Variants in CIBAR2 observed in about 807,000 individuals in gnomAD.
CIBAR2 encodes the protein CBY1-interacting BAR domain-containing protein 2.
Under a neutral mutation model 36.2 loss-of-function variants are expected in CIBAR2, and 38 were observed. The ratio of observed to expected loss-of-function variants is 1.05; its 90% CI spans 0.81 to 1.38. The LOEUF is 1.38. Among genes scored for constraint, CIBAR2 ranks in the 40% most tolerant of loss-of-function variants. The probability of loss-of-function intolerance (pLI) is 0.00; values close to 1 mark genes in which losing one functional copy is unlikely to be tolerated. For synonymous variants in CIBAR2, 182 were observed against 149.5 expected (o/e 1.22, Z -1.58); for missense variants, 481 against 383.4 (o/e 1.25, Z -2.13).
chr16:85,098,612 C>A lies in CIBAR2; in HGVS notation c.*573G>T, dbSNP rs904257737. ...AGTGCCCTGAGGTCCTCCACGGGGGCCTCCTCCATGGAGTTGTCCTCACTC... is the reference window on the plus strand; with the variant it reads ...AGTGCCCTGAGGTCCTCCACGGGGGACTCCTCCATGGAGTTGTCCTCACTC... On this transcript the variant is annotated 3_prime_UTR_variant, in exon 9 of 9. Coordinates refer to ENST00000539556, the MANE Select transcript of CIBAR2 (RefSeq NM_198491.3). The A allele has an allele frequency of 3.0e-6, 3 of 985,464 alleles. No individual in the cohort carries two copies. Among genetic ancestry groups the A allele is most frequent in the African/African-American group, 3.5e-5 (2 of 57,210 alleles). 61.0% of individuals were successfully genotyped at this position (985,464 alleles called of 1,614,324 possible). A position where few individuals can be genotyped will look rare whatever the true frequency, so the allele number is the denominator to read the frequency against.
At chr16:85,099,638 T>C (rs961447725) in intron 8 of CIBAR2, among the ~76,000 whole-genome samples, 1 of 150,808 alleles carries the variant, frequency 6.6e-6, no homozygotes, top group African/African-American at 2.4e-5. Context: ...TTTTTTTTTT[T>C]CCTGAGACAG....
intron 8 of CIBAR2, among the ~76,000 whole-genome samples, chr16:85,099,797 C>CTTTTTTTTT (rs71386075): frequency 6.5e-5 from 5 of 77,502 alleles, no homozygotes; most frequent in Non-Finnish European, 1.2e-4. Flanking sequence ...CTAATTTTTG[C>CTTTTTTTTT]TTTTTTTTTT....
chr16:85,108,218 G>A lies in CIBAR2; in HGVS notation c.256-119C>T, dbSNP rs147260237. ...TGTCCAGAGCTGTGCGGCGGGAGGTGGAGCGCGAGGTGCCCTCCCTTTTCC... is the reference window on the plus strand; with the variant it reads ...TGTCCAGAGCTGTGCGGCGGGAGGTAGAGCGCGAGGTGCCCTCCCTTTTCC... On this transcript the variant is annotated intron_variant, in intron 2 of 8. Coordinates refer to ENST00000539556, the MANE Select transcript of CIBAR2 (RefSeq NM_198491.3). The A allele has an allele frequency of 2.7e-4, 241 of 878,170 alleles. 1 individual carries two copies. In the African/African-American group the frequency reaches 3.6e-3, roughly 13 times the overall value. The allele number at this position is 878,170 out of a possible 1,614,324, so 54.4% of individuals were successfully genotyped here.
intron 7 of CIBAR2, among the ~76,000 whole-genome samples, chr16:85,101,338 C>T (rs2073953859): frequency 6.6e-6 from 1 of 152,164 alleles, no homozygotes; most frequent in South Asian, 2.1e-4. Flanking sequence ...CTGTCCTGTG[C>T]TCAGATGACA....
chr16:85,101,488 G>A (rs888538260), intron 7 of CIBAR2, among the ~76,000 whole-genome samples: 10 of 152,090 alleles, frequency 6.6e-5, no homozygotes, highest in African/African-American at 2.4e-4. Flanking sequence ...AAAGAATCAT[G>A]ATAACTGATT....
intron 2 of CIBAR2, among the ~76,000 whole-genome samples, chr16:85,109,392 G>A (rs1292559564): frequency 6.6e-6 from 1 of 152,182 alleles, no homozygotes; most frequent in East Asian, 1.9e-4. Context: ...GAGAACATGG[G>A]CATCGTGGGT....
At position 85,102,454 on chromosome 16, in the gene CIBAR2, A is replaced by T. The variant is rs942385346; in HGVS notation, c.538-127T>A. ...GTGTGGGGACAGGCCCCAGGTGGGGAGTTTCGACATGTTATTTTAAACTTA... is the reference window on the plus strand; with the variant it reads ...GTGTGGGGACAGGCCCCAGGTGGGGTGTTTCGACATGTTATTTTAAACTTA... On this transcript the variant is annotated intron_variant, in intron 6 of 8. Coordinates refer to ENST00000539556, the MANE Select transcript of CIBAR2 (RefSeq NM_198491.3). 335 of 647,196 alleles carry T rather than the reference A, an allele frequency of 5.2e-4. 2 individuals are homozygous for T. The highest frequency in any genetic ancestry group is 5.3e-5 in the Non-Finnish European group (19 of 360,328). The allele number at this position is 647,196 out of a possible 1,614,324, so 40.1% of individuals were successfully genotyped here.
At chr16:85,102,836 C>A (rs1219850305) in intron 6 of CIBAR2, among the ~76,000 whole-genome samples, 2 of 151,972 alleles carry the variant, frequency 1.3e-5, no homozygotes, top group African/African-American at 4.8e-5. Flanking sequence ...TCTCTTCTCC[C>A]TTTTTCACTC....
intron 2 of CIBAR2, 78 bp downstream of exon 2, chr16:85,110,148 C>A (rs2074028837): frequency 1.7e-6 from 2 of 1,143,594 alleles, no homozygotes; most frequent in Admixed American, 2.4e-5. Flanking sequence ...AGCAGGGCTC[C>A]TGCAGCCCTC....
chr16:85,108,171 G>A, intron 2 of CIBAR2, 72 bp from the exon 3 acceptor site: 1 of 1,438,114 alleles, frequency 7.0e-7, no homozygotes, highest in South Asian at 1.3e-5. Flanking sequence ...ATATAAAGCA[G>A]AGCCGGCACC....
Position 85,106,050 on chromosome 16 carries a change from G to C in CIBAR2, c.433-619C>G, listed in dbSNP as rs569948343. On this transcript the variant is annotated intron_variant, in intron 5 of 8. Coordinates refer to ENST00000539556, the MANE Select transcript of CIBAR2 (RefSeq NM_198491.3). ...ACCTTCGTGTTTGTGAAACGCCTGA[G>C]ATGGGAAGAGACAGCTGGGGGCTGG... Among the ~76,000 whole-genome samples the C allele has an allele frequency of 2.6e-5, 4 of 152,332 alleles. No homozygotes were observed. In the South Asian group the frequency reaches 8.3e-4, roughly 32 times the overall value.
intron 6 of CIBAR2, among the ~76,000 whole-genome samples, chr16:85,104,072 A>T (rs2073976212): frequency 6.6e-6 from 1 of 152,268 alleles, no homozygotes; most frequent in South Asian, 2.1e-4. Context: ...TGAATACACA[A>T]TTAACCATTC....
Position 85,106,979 on chromosome 16 carries a change from C to G in CIBAR2, c.432+688G>C, listed in dbSNP as rs529861888. Among the ~76,000 whole-genome samples, 6 of 152,302 alleles carry G rather than the reference C, an allele frequency of 3.9e-5. No homozygotes were observed. The South Asian group carries it at 8.3e-4, about 21-fold the overall frequency. On this transcript the variant is annotated intron_variant, in intron 5 of 8. Transcript: ENST00000539556. ...TGGCCAACATGGCAAAACCCCGTCT[C>G]TGCTAAAAATATAAAAATTAGCCAG...
Position 85,099,276 on chromosome 16 carries a change from A to G in CIBAR2, c.824T>C (p.Phe275Ser). 4 of 1,614,000 alleles carry G rather than the reference A, an allele frequency of 2.5e-6. No homozygotes were observed. Reference sequence around the variant, plus strand: ...CTTAACCACCCACTCACAGAGACTAAACCTGCCATGATTGGCATGAGGATG... The same window carrying G: ...CTTAACCACCCACTCACAGAGACTAGACCTGCCATGATTGGCATGAGGATG... ...PEHPHANHGR[F>S]SLCEWVVKGQ... The change falls in exon 9 of 9, where the codon TTT (phenylalanine) becomes TCT (serine). Residue 275 changes from phenylalanine (F) to serine (S), a missense_variant. Phe to Ser is a radical substitution (Grantham distance 155). Transcript: ENST00000539556.
intron 2 of CIBAR2, among the ~76,000 whole-genome samples, chr16:85,108,605 G>A (rs956158295): frequency 1.3e-5 from 2 of 152,264 alleles, no homozygotes; most frequent in Non-Finnish European, 2.9e-5. Context: ...GGGCGCGATG[G>A]CTCACGCCTG....
intron 8 of CIBAR2, among the ~76,000 whole-genome samples, chr16:85,099,676 T>C (rs889539182): frequency 1.3e-5 from 2 of 148,874 alleles, no homozygotes; most frequent in Non-Finnish European, 3.0e-5. Context: ...CGGGCTGGAG[T>C]GCAATGGTAC....
In CIBAR2 at chr16:85,100,629, G is replaced by A. The variant is rs372165605; in HGVS notation, c.652-389C>T. 2.5e-3 allele frequency among the ~76,000 whole-genome samples: 374 copies of A among 152,304 alleles called. 2 individuals are homozygous for A. Among genetic ancestry groups the A allele is most frequent in the Non-Finnish European group, 3.9e-3 (265 of 68,034 alleles). ...TTACTGGTAACTCAGATGATCTGAT[G>A]CTTCCCCCATCAGGAGCTGGAATCA... On this transcript the variant is annotated intron_variant, in intron 7 of 8. Transcript: ENST00000539556.
chr16:85,105,677 G>A (rs1006714873), intron 5 of CIBAR2, among the ~76,000 whole-genome samples: 2 of 152,150 alleles, frequency 1.3e-5, no homozygotes, highest in African/African-American at 4.8e-5. Context: ...TACCCTCTCT[G>A]AGCCTCAATT....
intron 1 of CIBAR2, among the ~76,000 whole-genome samples, chr16:85,111,258 C>CA (rs2074040605): frequency 6.6e-6 from 1 of 152,210 alleles, no homozygotes; most frequent in Non-Finnish European, 1.5e-5. Context: ...TCTGTCCCGA[C>CA]AGACCCTAAC....
Sources: allele counts gnomAD v4.1 joint callset (sites outside exome capture counted in the v4.1 genomes callset), GRCh38; gene constraint gnomAD v4.1.1; transcripts MANE v1.5; gene names NCBI Gene and HGNC (gene_info 2026-07-23, HGNC 2026-07-21).